Variants in DOCK1 observed in about 807,000 individuals in gnomAD.
DOCK1 encodes the protein dedicator of cytokinesis protein 1.
DOCK1 carries 138 observed loss-of-function variants against 262.7 expected under a neutral mutation model. That is an observed-to-expected ratio of 0.53 (90% CI 0.46 to 0.61). The LOEUF (loss-of-function observed/expected upper bound fraction) is 0.61. Ranked by LOEUF, DOCK1 falls within the 20% of genes least tolerant of loss-of-function variation. The pLI is 0.00. For synonymous variants in DOCK1, 866 were observed against 867.4 expected, an observed-to-expected ratio of 1.00 and a Z score of 0.03; for missense variants, 1,908 against 2,370.7, an observed-to-expected ratio of 0.80 and a Z score of 4.05.
chr10:127,125,065 C>A (rs2049861966), intron 25 of DOCK1, among the ~76,000 whole-genome samples: 1 of 151,736 alleles, frequency 6.6e-6, no homozygotes, highest in Non-Finnish European at 1.5e-5. Context: ...TGCAGTGAGC[C>A]GAGATCACAC....
At chr10:127,092,651 T>G (rs2136108841) in intron 23 of DOCK1, among the ~76,000 whole-genome samples, 1 of 152,106 alleles carries the variant, frequency 6.6e-6, no homozygotes, top group Non-Finnish European at 1.5e-5. Context: ...CTGGATAATT[T>G]TTTTGTATTT....
At chr10:127,203,685 T>G (rs531489140) in intron 27 of DOCK1, among the ~76,000 whole-genome samples, 240 of 149,212 alleles carry the variant, frequency 1.6e-3, no homozygotes, top group Non-Finnish European at 3.0e-3. Flanking sequence ...CTTTGGAGAA[T>G]TAAACAGTCT....
intron 16 of DOCK1, among the ~76,000 whole-genome samples, chr10:127,028,952 T>C (rs1405210816): frequency 6.6e-6 from 1 of 152,108 alleles, no homozygotes; most frequent in Non-Finnish European, 1.5e-5. Flanking sequence ...AAGAACGGGG[T>C]TCTGGAATCC....
At chr10:127,375,323 A>G (rs763278325) in intron 35 of DOCK1, among the ~76,000 whole-genome samples, 29 of 152,244 alleles carry the variant, frequency 1.9e-4, no homozygotes, top group Non-Finnish European at 3.2e-4. Flanking sequence ...GCTTTCCTCA[A>G]GTTTCCTTGC....
chr10:127,237,799 A>G (rs919892820), intron 27 of DOCK1, among the ~76,000 whole-genome samples: 5 of 152,196 alleles, frequency 3.3e-5, no homozygotes, highest in Non-Finnish European at 7.3e-5. Context: ...ACTCCCTTTT[A>G]TAATATTTGT....
chr10:127,299,522 A>G (rs894037516), intron 29 of DOCK1, among the ~76,000 whole-genome samples: 1 of 150,696 alleles, frequency 6.6e-6, no homozygotes, highest in Non-Finnish European at 1.5e-5. Context: ...CTGCAAGTCA[A>G]GGAGATTGCC....
chr10:127,399,170 G>C (rs905059335), intron 38 of DOCK1, among the ~76,000 whole-genome samples: 2 of 152,154 alleles, frequency 1.3e-5, no homozygotes, highest in Non-Finnish European at 2.9e-5. Flanking sequence ...TTGGATTAAG[G>C]ATTTCGCATC....
chr10:127,131,410 A>G (rs1201986128), intron 27 of DOCK1, among the ~76,000 whole-genome samples: 6 of 152,218 alleles, frequency 3.9e-5, no homozygotes, highest in Non-Finnish European at 7.3e-5. Flanking sequence ...TATAAAATGC[A>G]GCTGTCTTGA....
rs977676027 is a variant in DOCK1, at chr10:126,937,166, T to A, written c.46+31603T>A. ...ACTGTATTTTAGCATATGTCGTAAT[T>A]TCCTTTCTTTGTAAGGCTGAATAAT... is the stretch of plus-strand genomic sequence containing the variant. On this transcript the variant is annotated intron_variant, in intron 1 of 51. Transcript: ENST00000623213. 8.5e-5 allele frequency among the ~76,000 whole-genome samples: 13 copies of A among 152,354 alleles called. No individual in the cohort carries two copies. In the East Asian group the frequency reaches 2.5e-3, roughly 29 times the overall value.
intron 27 of DOCK1, chr10:127,136,126 T>C (rs1444455903): frequency 6.6e-6 from 1 of 152,328 alleles, no homozygotes; most frequent in Non-Finnish European, 1.5e-5. Context: ...GTGTTTTAAA[T>C]TAAAGCATAC....
chr10:127,024,679 T>C lies in DOCK1; in HGVS notation c.1453-6T>C. On this transcript the variant is annotated splice_region_variant and splice_polypyrimidine_tract_variant and intron_variant, in intron 14 of 51. Transcript: ENST00000623213. ...TTACGTGAGCTCTTTATGTCTTCTTTTAAAGCATGTGATTTTCCCGGGTGC... is the reference window on the plus strand; with the variant it reads ...TTACGTGAGCTCTTTATGTCTTCTTCTAAAGCATGTGATTTTCCCGGGTGC... 1 of 1,606,300 alleles carries C rather than the reference T, an allele frequency of 6.2e-7. No homozygotes were observed. The highest frequency in any genetic ancestry group is 8.5e-7 in the Non-Finnish European group (1 of 1,176,398).
intron 23 of DOCK1, among the ~76,000 whole-genome samples, chr10:127,091,681 A>G (rs1213305856): frequency 2.0e-5 from 3 of 152,186 alleles, no homozygotes; most frequent in African/African-American, 7.2e-5. Context: ...ATCACCATAA[A>G]TCTGTGTCCC....
At chr10:126,925,197 C>A (rs1346971391) in intron 1 of DOCK1, among the ~76,000 whole-genome samples, 1 of 152,194 alleles carries the variant, frequency 6.6e-6, no homozygotes, top group African/African-American at 2.4e-5. Context: ...TACAGCCCAC[C>A]TTTCTGGGCA....
At chr10:126,918,985 G>GGATTT (rs1564982423) in intron 1 of DOCK1, among the ~76,000 whole-genome samples, 2 of 106,834 alleles carry the variant, frequency 1.9e-5, no homozygotes, top group Admixed American at 1.0e-4. Context: ...AAAGCCGAGA[G>GGATTT]GGAGTGTGGG....
intron 28 of DOCK1, among the ~76,000 whole-genome samples, chr10:127,255,794 C>G (rs2059809022): frequency 6.6e-6 from 1 of 152,206 alleles, no homozygotes; most frequent in South Asian, 2.1e-4. Flanking sequence ...AAGTAATCAT[C>G]AAGAAAGCCA....
chr10:127,008,178 A>T (rs1390242881), intron 10 of DOCK1, among the ~76,000 whole-genome samples: 1 of 151,866 alleles, frequency 6.6e-6, no homozygotes, highest in East Asian at 1.9e-4. Flanking sequence ...GTTCACTGCA[A>T]CCTCCACCTC....
intron 29 of DOCK1, among the ~76,000 whole-genome samples, chr10:127,295,842 G>C (rs1404055272): frequency 6.6e-6 from 1 of 152,208 alleles, no homozygotes; most frequent in Non-Finnish European, 1.5e-5. Context: ...TTGTTCTTAA[G>C]AGAAGGTGAT....
At chr10:126,905,885 AC>A (rs1554953308) in intron 1 of DOCK1, among the ~76,000 whole-genome samples, 1 of 151,552 alleles carries the variant, frequency 6.6e-6, no homozygotes, top group Non-Finnish European at 1.5e-5. Flanking sequence ...CCCCCGGGCT[AC>A]CCCCAACTCC....
intron 25 of DOCK1, among the ~76,000 whole-genome samples, chr10:127,112,212 A>C (rs1387091965): frequency 3.9e-5 from 6 of 152,072 alleles, no homozygotes. Flanking sequence ...GGGTTTCACC[A>C]TGTTGGTCAG....
Sources: gnomAD v4.1 joint callset for allele counts (sites outside exome capture counted in the v4.1 genomes callset) on GRCh38, gnomAD v4.1.1 for gene constraint, MANE v1.5 for transcripts, NCBI Gene and HGNC (gene_info 2026-07-23, HGNC 2026-07-21) for gene names.